The following GPC6 variants were observed in gnomAD, a reference collection of about 807,000 sequenced individuals.
GPC6 encodes glypican 6, also known as glypican-6.
Under a neutral mutation model 55.2 loss-of-function variants are expected in GPC6, and 14 were observed. The observed-to-expected ratio is 0.25, with a 90% CI of 0.17 to 0.40. The LOEUF is 0.40. Ranked by LOEUF, GPC6 falls within the 10% of genes least tolerant of loss-of-function variation. GPC6 has a pLI of 1.00. For synonymous variants in GPC6, 278 were observed against 259.6 expected (o/e 1.07, Z -0.68); for missense variants, 641 against 708.5 (o/e 0.90, Z 1.08).
chr13:93,592,267 C>G lies in GPC6; in HGVS notation c.319+46846C>G, dbSNP rs934659770. On this transcript the variant is annotated intron_variant, in intron 2 of 8. Transcript: ENST00000377047. ...TGGCACGATCTTAGCTCACTGAAAC[C>G]TCTGCCTCCTGGGTTCAAGCGATTC... Among the ~76,000 whole-genome samples the G allele has an allele frequency of 2.0e-5, 3 of 151,410 alleles. No homozygotes were observed. The East Asian group carries it at 5.8e-4, about 29-fold the overall frequency.
chr13:94,175,907 A>T (rs1888733154), intron 4 of GPC6, among the ~76,000 whole-genome samples: 1 of 147,058 alleles, frequency 6.8e-6, no homozygotes. Context: ...ATATATATAT[A>T]TTTTCCCAAA....
intron 4 of GPC6, among the ~76,000 whole-genome samples, chr13:94,084,220 A>G (rs901676588): frequency 6.6e-6 from 1 of 152,186 alleles, no homozygotes; most frequent in Admixed American, 6.5e-5. Flanking sequence ...CAGAGAAACA[A>G]TGATCTGTTA....
intron 4 of GPC6, among the ~76,000 whole-genome samples, chr13:94,270,594 T>C (rs1891960176): frequency 6.6e-6 from 1 of 151,440 alleles, no homozygotes; most frequent in Admixed American, 6.6e-5. Flanking sequence ...TTTATTCTCC[T>C]CCTTGTCTTC....
At chr13:93,457,249 C>G (rs116650723) in intron 1 of GPC6, among the ~76,000 whole-genome samples, 4 of 152,144 alleles carry the variant, frequency 2.6e-5, no homozygotes, top group Non-Finnish European at 2.9e-5. Flanking sequence ...TCCAACTTTC[C>G]CCTTTTTATA....
chr13:93,664,410 T>C (rs1274524073), intron 2 of GPC6, among the ~76,000 whole-genome samples: 1 of 152,174 alleles, frequency 6.6e-6, no homozygotes, highest in Non-Finnish European at 1.5e-5. Context: ...TGTCACTAGG[T>C]AGACTATTAT....
intron 3 of GPC6, among the ~76,000 whole-genome samples, chr13:93,837,688 A>G (rs1482450791): frequency 6.6e-6 from 1 of 152,238 alleles, no homozygotes; most frequent in African/African-American, 2.4e-5. Context: ...GTATATGAAC[A>G]TTATTTATGT....
chr13:93,758,043 T>TA (rs11395710), intron 2 of GPC6, among the ~76,000 whole-genome samples: 15,807 of 152,200 alleles, frequency 0.1, 1,713 homozygotes, highest in African/African-American at 0.27. Context: ...TCCTCACTTC[T>TA]AGGCACTAAT....
chr13:94,339,096 GC>G (rs1437205540), intron 6 of GPC6, among the ~76,000 whole-genome samples: 1 of 151,632 alleles, frequency 6.6e-6, no homozygotes, highest in Non-Finnish European at 1.5e-5. Flanking sequence ...ACGGGGTCTT[GC>G]TCTGTCATCC....
intron 1 of GPC6, among the ~76,000 whole-genome samples, chr13:93,281,036 T>G (rs1877933985): frequency 6.6e-6 from 1 of 152,164 alleles, no homozygotes; most frequent in Non-Finnish European, 1.5e-5. Flanking sequence ...ACCCCTGTTT[T>G]AAAGCATTTA....
intron 3 of GPC6, among the ~76,000 whole-genome samples, chr13:93,833,832 C>G (rs1287538936): frequency 4.6e-5 from 7 of 152,066 alleles, no homozygotes; most frequent in Non-Finnish European, 1.0e-4. Context: ...TACAAACAGT[C>G]TTTTTCTAGC....
chr13:93,627,447 A>G (rs773254434), intron 2 of GPC6, among the ~76,000 whole-genome samples: 21 of 152,152 alleles, frequency 1.4e-4, no homozygotes, highest in Non-Finnish European at 2.6e-4. Flanking sequence ...AACTGCCCCC[A>G]TGATCCAGTC....
At chr13:93,903,916 G>C (rs531894401) in intron 3 of GPC6, among the ~76,000 whole-genome samples, 3 of 151,792 alleles carry the variant, frequency 2.0e-5, no homozygotes, top group African/African-American at 7.3e-5. Context: ...CCTGTGTGTA[G>C]TATCATCCCC....
chr13:93,321,931 C>T (rs932702507), intron 1 of GPC6, among the ~76,000 whole-genome samples: 4 of 152,140 alleles, frequency 2.6e-5, no homozygotes, highest in South Asian at 2.1e-4. Context: ...AACTCTCTGT[C>T]GTGATGAATC....
intron 3 of GPC6, among the ~76,000 whole-genome samples, chr13:93,992,212 T>G (rs1465579615): frequency 1.3e-5 from 2 of 151,664 alleles, no homozygotes; most frequent in African/African-American, 4.8e-5. Context: ...TGTGGGTGTG[T>G]GTGTTATATA....
rs80018180 is a variant in GPC6, at chr13:93,661,799, A to G, written c.319+116378A>G. On this transcript the variant is annotated intron_variant, in intron 2 of 8. Transcript: ENST00000377047. ...GGGTTGCCAATCTTTACTACAGATT[A>G]ATCACTTTATACAGGCATATAAGAG... is the stretch of plus-strand genomic sequence containing the variant. 1.4e-4 allele frequency among the ~76,000 whole-genome samples: 22 copies of G among 152,326 alleles called. No individual in the cohort carries two copies. The East Asian group carries it at 4.1e-3, about 28-fold the overall frequency.
intron 4 of GPC6, among the ~76,000 whole-genome samples, chr13:94,273,052 C>T (rs1892096280): frequency 6.6e-6 from 1 of 152,182 alleles, no homozygotes; most frequent in South Asian, 2.1e-4. Flanking sequence ...ATAAAAGGAA[C>T]TCTCCCATCC....
intron 1 of GPC6, among the ~76,000 whole-genome samples, chr13:93,418,381 A>G (rs1876783497): frequency 6.6e-6 from 1 of 151,300 alleles, no homozygotes; most frequent in African/African-American, 2.4e-5. Flanking sequence ...GTATTATTTT[A>G]TTAATAACAC....
intron 2 of GPC6, among the ~76,000 whole-genome samples, chr13:93,549,207 C>T (rs553486797): frequency 6.6e-6 from 1 of 152,312 alleles, no homozygotes; most frequent in East Asian, 1.9e-4. Context: ...CCTTCCTTCT[C>T]ACCTTCCTCT....
At chr13:93,729,751 A>C (rs1350220862) in intron 2 of GPC6, among the ~76,000 whole-genome samples, 3 of 152,198 alleles carry the variant, frequency 2.0e-5, no homozygotes, top group African/African-American at 4.8e-5. Flanking sequence ...ATATGTGTGC[A>C]CATGGCTGTA....
Sources: gnomAD v4.1 joint callset for allele counts (sites outside exome capture counted in the v4.1 genomes callset) on GRCh38, gnomAD v4.1.1 for gene constraint, MANE v1.5 for transcripts, NCBI Gene and HGNC (gene_info 2026-07-23, HGNC 2026-07-21) for gene names.